Variants in SH3GL2 observed in about 807,000 individuals in gnomAD.
SH3GL2 encodes the protein SH3 domain containing GRB2 like 2, endophilin A1.
A neutral mutation model predicts 46.0 loss-of-function variants in SH3GL2; 24 were observed. The ratio of observed to expected loss-of-function variants is 0.52; its 90% CI spans 0.38 to 0.73. The LOEUF (loss-of-function observed/expected upper bound fraction) is 0.73, where lower values mean the gene tolerates loss of function less well. Ranked by LOEUF, SH3GL2 falls within the 30% of genes least tolerant of loss-of-function variation. SH3GL2 has a pLI of 0.00. For missense variants in SH3GL2, 413 were observed against 424.2 expected, an observed-to-expected ratio of 0.97 and a Z score of 0.23; for synonymous variants, 196 against 147.1, an observed-to-expected ratio of 1.33 and a Z score of -2.40.
intron 1 of SH3GL2, among the ~76,000 whole-genome samples, chr9:17,723,758 T>C (rs563403907): frequency 2.6e-5 from 4 of 152,150 alleles, no homozygotes; most frequent in African/African-American, 4.8e-5. Context: ...GTGTTTTTTT[T>C]CTCTCTCCCA....
chr9:17,732,811 T>G (rs1822219492), intron 1 of SH3GL2, among the ~76,000 whole-genome samples: 1 of 152,104 alleles, frequency 6.6e-6, no homozygotes, highest in Non-Finnish European at 1.5e-5. Flanking sequence ...TAAACAGTTA[T>G]GAGAAGCAAA....
chr9:17,605,013 C>G (rs1818738248), intron 1 of SH3GL2, among the ~76,000 whole-genome samples: 1 of 147,044 alleles, frequency 6.8e-6, no homozygotes, highest in South Asian at 2.1e-4. Flanking sequence ...GTCTTTGTGT[C>G]CCAGACTGGA....
chr9:17,788,863 G>A (rs1488348131), intron 5 of SH3GL2, among the ~76,000 whole-genome samples: 2 of 152,078 alleles, frequency 1.3e-5, no homozygotes, highest in Admixed American at 6.6e-5. Context: ...CCTAGATATC[G>A]ATTCAAGAGC....
chr9:17,605,451 T>C (rs10115064), intron 1 of SH3GL2, among the ~76,000 whole-genome samples: 109,349 of 151,948 alleles, frequency 0.72, 41,513 homozygotes, highest in Non-Finnish European at 0.84. Context: ...ATCTAGCAGG[T>C]ATGTATTGAG....
chr9:17,590,599 C>G (rs2134546339), intron 1 of SH3GL2: 1 of 152,302 alleles, frequency 6.6e-6, no homozygotes, highest in Admixed American at 6.5e-5. Flanking sequence ...ATTATATTCA[C>G]CTTAAACCCA....
intron 1 of SH3GL2, among the ~76,000 whole-genome samples, chr9:17,621,216 A>G (rs1230038789): frequency 6.6e-6 from 1 of 152,254 alleles, no homozygotes; most frequent in Non-Finnish European, 1.5e-5. Flanking sequence ...TTCATTGTAG[A>G]TAATTTTACA....
chr9:17,645,479 C>T (rs932734371), intron 1 of SH3GL2, among the ~76,000 whole-genome samples: 1 of 152,168 alleles, frequency 6.6e-6, no homozygotes, highest in East Asian at 1.9e-4. Context: ...ACGTTCTTTA[C>T]AATTTTGTTT....
At chr9:17,788,673 C>T (rs967122330) in intron 5 of SH3GL2, among the ~76,000 whole-genome samples, 1 of 152,130 alleles carries the variant, frequency 6.6e-6, no homozygotes, top group Non-Finnish European at 1.5e-5. Flanking sequence ...GGGATTGAAG[C>T]TCAGCATGGA....
intron 3 of SH3GL2, among the ~76,000 whole-genome samples, chr9:17,762,137 A>G (rs1356546948): frequency 6.6e-6 from 1 of 152,162 alleles, no homozygotes; most frequent in East Asian, 1.9e-4. Flanking sequence ...AAGCAAAGCA[A>G]AGCAAAGCAG....
chr9:17,672,943 G>A (rs1323409066), intron 1 of SH3GL2, among the ~76,000 whole-genome samples: 1 of 152,064 alleles, frequency 6.6e-6, no homozygotes, highest in Non-Finnish European at 1.5e-5. Context: ...TCTCTTAGCT[G>A]TCTTCTCCTC....
At chr9:17,666,524 C>G (rs964544237) in intron 1 of SH3GL2, among the ~76,000 whole-genome samples, 4 of 149,800 alleles carry the variant, frequency 2.7e-5, no homozygotes, top group African/African-American at 4.9e-5. Flanking sequence ...TCTTTTCCCA[C>G]TCTTTCATAC....
chr9:17,738,545 A>ATATACATACATATATAAATAT (rs1563833701), intron 1 of SH3GL2, among the ~76,000 whole-genome samples: 1 of 107,360 alleles, frequency 9.3e-6, no homozygotes, highest in Non-Finnish European at 2.2e-5. Context: ...TATATACATA[A>ATATACATACATATATAAATAT]GTGTGTGTGT....
intron 1 of SH3GL2, among the ~76,000 whole-genome samples, chr9:17,716,477 C>T (rs554002775): frequency 2.0e-5 from 3 of 152,260 alleles, no homozygotes; most frequent in African/African-American, 7.2e-5. Context: ...GAATTCTCTA[C>T]TCAATTCCAG....
chr9:17,691,626 T>C (rs1821080994), intron 1 of SH3GL2, among the ~76,000 whole-genome samples: 1 of 152,166 alleles, frequency 6.6e-6, no homozygotes, highest in Non-Finnish European at 1.5e-5. Flanking sequence ...TTTTTAAAAA[T>C]CTGCAAATTG....
intron 6 of SH3GL2, 73 bp downstream of exon 6, chr9:17,789,623 C>A (rs777293113): frequency 2.5e-6 from 4 of 1,589,598 alleles, no homozygotes; most frequent in Non-Finnish European, 3.4e-6. Context: ...AGGCCATAAC[C>A]CTTAAAAGCA....
chr9:17,737,062 C>T (rs749011556), intron 1 of SH3GL2, among the ~76,000 whole-genome samples: 42 of 152,012 alleles, frequency 2.8e-4, no homozygotes, highest in Non-Finnish European at 4.7e-4. Context: ...GGGACATAGC[C>T]GAAGCTGGAA....
chr9:17,695,291 A>G (rs1313867611), intron 1 of SH3GL2, among the ~76,000 whole-genome samples: 1 of 152,116 alleles, frequency 6.6e-6, no homozygotes, highest in African/African-American at 2.4e-5. Flanking sequence ...TGACAGGTAC[A>G]TGTGGAAGCA....
At chr9:17,585,828 G>T (rs75924204) in intron 1 of SH3GL2, among the ~76,000 whole-genome samples, 10 of 152,264 alleles carry the variant, frequency 6.6e-5, no homozygotes, top group Non-Finnish European at 1.5e-4. Context: ...CACAGTTAGC[G>T]TATGTGGGAA....
chr9:17,732,811 T>C (rs1822219492), intron 1 of SH3GL2, among the ~76,000 whole-genome samples: 1 of 152,104 alleles, frequency 6.6e-6, no homozygotes, highest in Admixed American at 6.6e-5. Context: ...TAAACAGTTA[T>C]GAGAAGCAAA....
Sources: allele counts gnomAD v4.1 joint callset (sites outside exome capture counted in the v4.1 genomes callset), GRCh38; gene constraint gnomAD v4.1.1; transcripts MANE v1.5; gene names NCBI Gene and HGNC (gene_info 2026-07-23, HGNC 2026-07-21).